UNC5C: variants seen among roughly 807,000 people sequenced by gnomAD.
The protein encoded by UNC5C is netrin receptor UNC5C.
UNC5C carries 47 observed loss-of-function variants against 99.8 expected under a neutral mutation model. That is an observed-to-expected ratio of 0.47 (90% confidence interval 0.37 to 0.60). UNC5C has a LOEUF of 0.60. Among genes scored for constraint, UNC5C ranks in the 20% least tolerant of loss-of-function variants. UNC5C has a pLI of 0.00. For synonymous variants in UNC5C, 487 were observed against 452.2 expected (o/e 1.08, Z -0.98); for missense variants, 1,062 against 1,165.9 (o/e 0.91, Z 1.30).
intron 4 of UNC5C, among the ~76,000 whole-genome samples, chr4:95,252,314 C>A (rs563714552): frequency 6.6e-6 from 1 of 152,292 alleles, no homozygotes; most frequent in South Asian, 2.1e-4. Flanking sequence ...AGAAAGCCTC[C>A]TATCACACAA....
intron 4 of UNC5C, among the ~76,000 whole-genome samples, chr4:95,267,352 G>T (rs7658435): frequency 0.098 from 14,861 of 152,114 alleles, 2,055 homozygotes; most frequent in African/African-American, 0.31. Flanking sequence ...TATTTTCTGA[G>T]TTGTTCCTTT....
intron 1 of UNC5C, among the ~76,000 whole-genome samples, chr4:95,517,342 C>T (rs1039444763): frequency 6.6e-6 from 1 of 151,934 alleles, no homozygotes; most frequent in Non-Finnish European, 1.5e-5. Context: ...TTCTAACTCC[C>T]AGTGACCTTA....
chr4:95,196,208 AG>A (rs748999935), intron 12 of UNC5C, among the ~76,000 whole-genome samples: 5 of 152,176 alleles, frequency 3.3e-5, no homozygotes, highest in Non-Finnish European at 7.3e-5. Context: ...TATTTATACT[AG>A]GATTTAAGTC....
chr4:95,510,066 A>G (rs1210541424), intron 1 of UNC5C, among the ~76,000 whole-genome samples: 1 of 151,998 alleles, frequency 6.6e-6, no homozygotes, highest in Non-Finnish European at 1.5e-5. Context: ...AAAAAACAAT[A>G]ATATATGGCT....
At chr4:95,370,615 GTTGTT>G (rs1744715351) in intron 1 of UNC5C, among the ~76,000 whole-genome samples, 1 of 152,130 alleles carries the variant, frequency 6.6e-6, no homozygotes, top group South Asian at 2.1e-4. Context: ...TCAGCTAATT[GTTGTT>G]TTGTTTTGTT....
intron 3 of UNC5C, among the ~76,000 whole-genome samples, chr4:95,278,681 T>G (rs932135250): frequency 2.0e-5 from 3 of 152,046 alleles, no homozygotes; most frequent in Non-Finnish European, 4.4e-5. Flanking sequence ...AGTCTCACTA[T>G]GTTTCCCAGG....
intron 10 of UNC5C, among the ~76,000 whole-genome samples, chr4:95,211,272 G>A (rs575268199): frequency 6.6e-6 from 1 of 152,132 alleles, no homozygotes; most frequent in East Asian, 1.9e-4. Flanking sequence ...TGAAATATTT[G>A]CACTCTAGGT....
intron 10 of UNC5C, among the ~76,000 whole-genome samples, chr4:95,210,431 G>T (rs1320293783): frequency 1.3e-5 from 2 of 152,134 alleles, no homozygotes; most frequent in African/African-American, 4.8e-5. Context: ...TGAAAACTAA[G>T]GTCAGAGTGT....
At chr4:95,521,072 T>A (rs955048115) in intron 1 of UNC5C, among the ~76,000 whole-genome samples, 2 of 152,164 alleles carry the variant, frequency 1.3e-5, no homozygotes, top group African/African-American at 4.8e-5. Flanking sequence ...TTATTTTTTA[T>A]GGTTCTGGAG....
intron 12 of UNC5C, among the ~76,000 whole-genome samples, chr4:95,192,303 T>TCTCCCCTCCTCCCCTG (rs1737165678): frequency 2.4e-5 from 2 of 83,220 alleles, no homozygotes; most frequent in African/African-American, 1.0e-4. Context: ...CTCCTCCCCT[T>TCTCCCCTCCTCCCCTG]CTCACCTCCT....
chr4:95,307,874 C>A (rs189194533), intron 2 of UNC5C, among the ~76,000 whole-genome samples: 1 of 152,112 alleles, frequency 6.6e-6, no homozygotes, highest in Non-Finnish European at 1.5e-5. Context: ...AAAAATCATA[C>A]GATCATCTTA....
At chr4:95,258,746 CTTTT>C (rs775570031) in intron 4 of UNC5C, among the ~76,000 whole-genome samples, 117 of 76,020 alleles carry the variant, frequency 1.5e-3, no homozygotes, top group African/African-American at 4.0e-3. Flanking sequence ...CCATCTTATT[CTTTT>C]TTTTTTTTTT....
chr4:95,476,210 C>T (rs1480147451), intron 1 of UNC5C, among the ~76,000 whole-genome samples: 1 of 152,038 alleles, frequency 6.6e-6, no homozygotes, highest in East Asian at 1.9e-4. Flanking sequence ...TTGCAGATTG[C>T]TCCATTAATG....
chr4:95,302,317 T>G (rs993057630), intron 2 of UNC5C, among the ~76,000 whole-genome samples: 2 of 152,244 alleles, frequency 1.3e-5, no homozygotes, highest in African/African-American at 2.4e-5. Context: ...GCATAATAGT[T>G]TGAAAGCCCA....
intron 1 of UNC5C, among the ~76,000 whole-genome samples, chr4:95,410,636 G>C (rs999978217): frequency 6.6e-6 from 1 of 152,170 alleles, no homozygotes; most frequent in Non-Finnish European, 1.5e-5. Context: ...GAGAGTGTTA[G>C]GGGATGCAGC....
intron 1 of UNC5C, among the ~76,000 whole-genome samples, chr4:95,450,185 C>CATCT (rs1747240486): frequency 2.0e-5 from 3 of 152,144 alleles, no homozygotes; most frequent in Admixed American, 2.0e-4. Context: ...AGGTAATTAG[C>CATCT]AGGATGTAAA....
At chr4:95,448,296 A>C (rs1578169540) in intron 1 of UNC5C, among the ~76,000 whole-genome samples, 1 of 147,648 alleles carries the variant, frequency 6.8e-6, no homozygotes, top group Admixed American at 6.8e-5. Flanking sequence ...CTTCTGTGGG[A>C]AGAACAATGA....
intron 1 of UNC5C, among the ~76,000 whole-genome samples, chr4:95,471,529 C>G (rs772114564): frequency 1.3e-5 from 2 of 152,024 alleles, no homozygotes; most frequent in Non-Finnish European, 2.9e-5. Context: ...GTACTTGGAC[C>G]CCCCTGACAT....
chr4:95,219,406 G>T, intron 8 of UNC5C, 93 bp from the exon 9 acceptor site: 1 of 1,231,508 alleles, frequency 8.1e-7, no homozygotes, highest in Non-Finnish European at 1.1e-6. Context: ...TGAGCCGAAA[G>T]TAAAGCAGCT....
Sources: gnomAD v4.1 joint callset for allele counts (sites outside exome capture counted in the v4.1 genomes callset) on GRCh38, gnomAD v4.1.1 for gene constraint, MANE v1.5 for transcripts, NCBI Gene and HGNC (gene_info 2026-07-23, HGNC 2026-07-21) for gene names.